Variants in KDM4C observed in about 807,000 individuals in gnomAD.
The protein encoded by KDM4C is lysine-specific demethylase 4C.
KDM4C carries 81 observed loss-of-function variants against 129.3 expected under a neutral mutation model. The ratio of observed to expected loss-of-function variants is 0.63; its 90% CI spans 0.52 to 0.75. The LOEUF (loss-of-function observed/expected upper bound fraction) is 0.75, where lower values mean the gene tolerates loss of function less well. Ranked by LOEUF, KDM4C falls within the 30% of genes least tolerant of loss-of-function variation. The pLI is 0.00. For missense variants in KDM4C, 1,457 were observed against 1,304.0 expected, an observed-to-expected ratio of 1.12 and a Z score of -1.81; for synonymous variants, 573 against 456.1, an observed-to-expected ratio of 1.26 and a Z score of -3.26.
At chr9:7,169,749 G>A in intron 20 of KDM4C, 49 bp from the exon 21 acceptor site, 2 of 1,435,304 alleles carry the variant, frequency 1.4e-6, no homozygotes, top group Non-Finnish European at 1.9e-6. Flanking sequence ...TTTAAAAATG[G>A]TCAGTGCTGT....
At chr9:6,919,969 GTGGAA>G (rs1331460847) in intron 8 of KDM4C, among the ~76,000 whole-genome samples, 1 of 152,180 alleles carries the variant, frequency 6.6e-6, no homozygotes, top group East Asian at 1.9e-4. Context: ...GTCATTCATT[GTGGAA>G]TTGCCTGACA....
intron 15 of KDM4C, among the ~76,000 whole-genome samples, chr9:7,027,157 C>T (rs141302593): frequency 1.3e-5 from 2 of 152,090 alleles, no homozygotes; most frequent in Admixed American, 1.3e-4. Context: ...GGATGTTCAT[C>T]TGTCTAGGCA....
At chr9:6,972,420 G>C (rs1370361533) in intron 8 of KDM4C, among the ~76,000 whole-genome samples, 8 of 151,986 alleles carry the variant, frequency 5.3e-5, no homozygotes, top group Admixed American at 1.3e-4. Flanking sequence ...TTTTTTAAAG[G>C]AGTATTAGAA....
At chr9:6,769,288 T>C (rs950801183) in intron 1 of KDM4C, among the ~76,000 whole-genome samples, 1 of 152,076 alleles carries the variant, frequency 6.6e-6, no homozygotes, top group Non-Finnish European at 1.5e-5. Flanking sequence ...GTTTATCTAG[T>C]GGAGAGAAGA....
chr9:6,834,694 C>T (rs951752768), intron 4 of KDM4C: 3 of 853,234 alleles, frequency 3.5e-6, no homozygotes, highest in East Asian at 2.4e-5. Flanking sequence ...CCAACTGGGA[C>T]AACATGGAGA....
chr9:6,782,100 A>C (rs1315597023), intron 1 of KDM4C, among the ~76,000 whole-genome samples: 1 of 152,164 alleles, frequency 6.6e-6, no homozygotes, highest in African/African-American at 2.4e-5. Context: ...CTGGGATTAC[A>C]GGTGTGAGCC....
chr9:6,816,430 A>T lies in KDM4C; in HGVS notation c.435+1685A>T, dbSNP rs574555213. Reference sequence around the variant, plus strand: ...CCCCTTTTCCTCCAAAGGTAACTAGATCTTCTGACTTGAAGGTAATCATTT... The same window carrying T: ...CCCCTTTTCCTCCAAAGGTAACTAGTTCTTCTGACTTGAAGGTAATCATTT... On this transcript the variant is annotated intron_variant, in intron 4 of 21. Coordinates refer to ENST00000381309, the MANE Select transcript of KDM4C (RefSeq NM_015061.6). Among the ~76,000 whole-genome samples, 12 of 150,748 alleles carry T rather than the reference A, an allele frequency of 8.0e-5. No individual in the cohort carries two copies. The South Asian group carries it at 2.5e-3, about 31-fold the overall frequency.
chr9:7,105,378 C>T (rs770425766), intron 18 of KDM4C: 4 of 461,756 alleles, frequency 8.7e-6, no homozygotes, highest in African/African-American at 4.0e-5. Flanking sequence ...AACATGGTAT[C>T]CCACCTCACC....
chr9:6,976,782 C>G (rs1832994742), intron 8 of KDM4C, among the ~76,000 whole-genome samples: 1 of 150,424 alleles, frequency 6.6e-6, no homozygotes, highest in East Asian at 2.0e-4. Context: ...TATCCATTCC[C>G]ATTTCTTAAG....
chr9:7,001,473 A>G (rs1347284753), intron 12 of KDM4C, among the ~76,000 whole-genome samples: 1 of 152,210 alleles, frequency 6.6e-6, no homozygotes, highest in East Asian at 1.9e-4. Flanking sequence ...CATGAGGTAG[A>G]GCTGACAGGA....
chr9:7,158,179 C>T (rs947796355), intron 19 of KDM4C, among the ~76,000 whole-genome samples: 2 of 152,042 alleles, frequency 1.3e-5, no homozygotes, highest in South Asian at 2.1e-4. Flanking sequence ...GTAGTATTCT[C>T]TGTGGGATCA....
intron 6 of KDM4C, among the ~76,000 whole-genome samples, chr9:6,881,950 G>A (rs1011224028): frequency 2.6e-5 from 4 of 152,188 alleles, no homozygotes; most frequent in Non-Finnish European, 4.4e-5. Flanking sequence ...ATGAAAAGTA[G>A]GCTCAGATAT....
chr9:6,888,952 T>C (rs1209017153), intron 7 of KDM4C, among the ~76,000 whole-genome samples: 2 of 88,198 alleles, frequency 2.3e-5, no homozygotes, highest in Admixed American at 1.0e-4. Context: ...TACGCCCGGC[T>C]AATTTTTTTG....
chr9:7,147,536 C>T (rs1245479962), intron 19 of KDM4C, among the ~76,000 whole-genome samples: 3 of 152,182 alleles, frequency 2.0e-5, no homozygotes, highest in African/African-American at 7.2e-5. Flanking sequence ...TCCCCTCATA[C>T]ATTTTAGTCC....
intron 1 of KDM4C, among the ~76,000 whole-genome samples, chr9:6,785,341 C>T (rs1825248558): frequency 1.4e-5 from 2 of 145,518 alleles, no homozygotes; most frequent in African/African-American, 5.1e-5. Flanking sequence ...TCCTCTTCCT[C>T]TTTTTTTTTT....
intron 8 of KDM4C, among the ~76,000 whole-genome samples, chr9:6,970,585 A>AT (rs1459989832): frequency 6.6e-6 from 1 of 152,128 alleles, no homozygotes; most frequent in African/African-American, 2.4e-5. Flanking sequence ...AGGCTTCATG[A>AT]TTTTGCACTG....
At chr9:7,140,376 A>G (rs1052045761) in intron 19 of KDM4C, among the ~76,000 whole-genome samples, 1 of 152,032 alleles carries the variant, frequency 6.6e-6, no homozygotes, top group East Asian at 1.9e-4. Flanking sequence ...TTTGTTTTGC[A>G]TGAAATTAAA....
chr9:6,834,694 C>A (rs951752768), intron 4 of KDM4C: 7 of 853,234 alleles, frequency 8.2e-6, no homozygotes, highest in Non-Finnish European at 1.4e-5. Flanking sequence ...CCAACTGGGA[C>A]AACATGGAGA....
intron 19 of KDM4C, among the ~76,000 whole-genome samples, chr9:7,160,839 C>G (rs891887200): frequency 3.3e-5 from 5 of 152,208 alleles, no homozygotes; most frequent in Non-Finnish European, 5.9e-5. Context: ...AAATGCCTCA[C>G]TGGGAGAACC....
Sources: gnomAD v4.1 joint callset for allele counts (sites outside exome capture counted in the v4.1 genomes callset) on GRCh38, gnomAD v4.1.1 for gene constraint, MANE v1.5 for transcripts, NCBI Gene and HGNC (gene_info 2026-07-23, HGNC 2026-07-21) for gene names.